The following PDSS2 variants were observed in gnomAD, a reference collection of about 807,000 sequenced individuals.
The protein encoded by PDSS2 is all trans-polyprenyl-diphosphate synthase PDSS2.
PDSS2 carries 31 observed loss-of-function variants against 44.5 expected under a neutral mutation model. That is an observed-to-expected ratio of 0.70 (90% CI 0.52 to 0.94). PDSS2 has a LOEUF of 0.94. PDSS2 is among the 40% of genes least tolerant of loss of function. PDSS2 has a pLI of 0.00. For missense variants in PDSS2, 452 were observed against 482.2 expected, an observed-to-expected ratio of 0.94 and a Z score of 0.59; for synonymous variants, 157 against 180.3, an observed-to-expected ratio of 0.87 and a Z score of 1.03.
intron 2 of PDSS2, among the ~76,000 whole-genome samples, chr6:107,293,175 T>C (rs1776401557): frequency 6.6e-6 from 1 of 152,228 alleles, no homozygotes; most frequent in South Asian, 2.1e-4. Flanking sequence ...CATATGGGAA[T>C]CCCTAGTGAT....
intron 2 of PDSS2, among the ~76,000 whole-genome samples, chr6:107,314,178 G>C (rs1270760180): frequency 6.6e-6 from 1 of 152,032 alleles, no homozygotes; most frequent in Non-Finnish European, 1.5e-5. Flanking sequence ...TGTAGAACGA[G>C]CTTTTTCATA....
intron 1 of PDSS2, among the ~76,000 whole-genome samples, chr6:107,405,576 G>C (rs1011961247): frequency 1.3e-5 from 2 of 152,048 alleles, no homozygotes; most frequent in Admixed American, 1.3e-4. Context: ...GGCCGGGCGC[G>C]GTGGCTCACG....
chr6:107,266,404 GA>G (rs1775413757), intron 3 of PDSS2, among the ~76,000 whole-genome samples: 1 of 136,610 alleles, frequency 7.3e-6, no homozygotes, highest in Non-Finnish European at 1.6e-5. Flanking sequence ...TTTTTTTTCT[GA>G]AATTGACCTG....
intron 4 of PDSS2, among the ~76,000 whole-genome samples, chr6:107,213,549 A>T (rs9398123): frequency 2.0e-5 from 3 of 151,818 alleles, no homozygotes; most frequent in Non-Finnish European, 2.9e-5. Context: ...TCACGAGGTC[A>T]GGAGTTCAAG....
At chr6:107,202,935 ATC>A (rs1443461279) in intron 6 of PDSS2, among the ~76,000 whole-genome samples, 1 of 151,804 alleles carries the variant, frequency 6.6e-6, no homozygotes, top group East Asian at 1.9e-4. Flanking sequence ...TACATAACAA[ATC>A]TCTCTCTGCT....
chr6:107,286,116 A>G (rs1365165229), intron 2 of PDSS2, among the ~76,000 whole-genome samples: 4 of 130,038 alleles, frequency 3.1e-5, no homozygotes, highest in Non-Finnish European at 6.4e-5. Flanking sequence ...CTAGTCAAGG[A>G]GCAAAACTTC....
At chr6:107,412,233 C>CTTTTTTTTTT (rs1169549611) in intron 1 of PDSS2, among the ~76,000 whole-genome samples, 1 of 73,406 alleles carries the variant, frequency 1.4e-5, no homozygotes, top group African/African-American at 5.0e-5. Context: ...GTCCTTTGCT[C>CTTTTTTTTTT]TTTTTTTTTT....
intron 1 of PDSS2, among the ~76,000 whole-genome samples, chr6:107,447,060 G>A (rs1018080380): frequency 5.3e-5 from 8 of 152,092 alleles, no homozygotes; most frequent in East Asian, 3.9e-4. Flanking sequence ...GCGGCCGGGC[G>A]CAGTGGCTCA....
Position 107,155,878 on chromosome 6 carries a change from T to A in PDSS2, c.1042-1101A>T, listed in dbSNP as rs1430893479. On this transcript the variant is annotated intron_variant, in intron 7 of 7. Coordinates refer to ENST00000369037, the MANE Select transcript of PDSS2 (RefSeq NM_020381.4). ...CAGGCATGAGCCACCTTGCCCGGCC[T>A]TTTTTTTTTTTTTTTTTTTTTTTTT... Among the ~76,000 whole-genome samples the A allele has an allele frequency of 5.2e-4, 11 of 21,244 alleles. No homozygotes were observed. The East Asian group carries it at 6.1e-3, about 12-fold the overall frequency. 13.9% of individuals were successfully genotyped at this position (21,244 alleles called of 152,430 possible).
chr6:107,280,113 G>A (rs183506221), intron 2 of PDSS2, among the ~76,000 whole-genome samples: 7 of 152,216 alleles, frequency 4.6e-5, no homozygotes, highest in Admixed American at 4.6e-4. Context: ...AGGCTGGAGT[G>A]CAGTAACGTG....
intron 2 of PDSS2, among the ~76,000 whole-genome samples, chr6:107,319,460 T>A (rs1389167364): frequency 6.6e-6 from 1 of 152,162 alleles, no homozygotes; most frequent in African/African-American, 2.4e-5. Flanking sequence ...AAACTTGTAG[T>A]AGTATACCAG....
In PDSS2 at chr6:107,359,734, T is replaced by C. The variant is rs112644096; in HGVS notation, c.297-25402A>G. Among the ~76,000 whole-genome samples the C allele has an allele frequency of 9.1e-3, 1,382 of 152,152 alleles. 17 individuals are homozygous for C. The highest frequency in any genetic ancestry group is 0.029 in the African/African-American group (1,188 of 41,490). ...AAATCACATATTCAATATCAAGGTA[T>C]GGCTTTGGTTTTGATTTTGTGGTTT... On this transcript the variant is annotated intron_variant, in intron 1 of 7. Transcript: ENST00000369037.
chr6:107,155,882 T>A (rs1021517901), intron 7 of PDSS2, among the ~76,000 whole-genome samples: 29 of 116,238 alleles, frequency 2.5e-4, no homozygotes, highest in African/African-American at 1.1e-3. Flanking sequence ...CCGGCCTTTT[T>A]TTTTTTTTTT....
intron 1 of PDSS2, among the ~76,000 whole-genome samples, chr6:107,402,671 A>G (rs1780184241): frequency 1.3e-5 from 2 of 150,778 alleles, no homozygotes; most frequent in South Asian, 4.2e-4. Context: ...CAGCAGACAA[A>G]CAACATGTAC....
At chr6:107,231,996 A>G (rs1444408791) in intron 4 of PDSS2, among the ~76,000 whole-genome samples, 1 of 151,434 alleles carries the variant, frequency 6.6e-6, no homozygotes, top group East Asian at 1.9e-4. Context: ...ACCCTTCCCT[A>G]GTAAAGCCCC....
At chr6:107,168,260 T>C (rs1771427194) in intron 7 of PDSS2, among the ~76,000 whole-genome samples, 1 of 152,302 alleles carries the variant, frequency 6.6e-6, no homozygotes, top group African/African-American at 2.4e-5. Flanking sequence ...TTGATCTTTG[T>C]TGGTTTAAAG....
intron 1 of PDSS2, among the ~76,000 whole-genome samples, chr6:107,362,756 C>G (rs1778820349): frequency 1.3e-5 from 2 of 151,924 alleles, no homozygotes; most frequent in Non-Finnish European, 2.9e-5. Context: ...TAAATATGCT[C>G]AAAAAACTAA....
At chr6:107,452,661 G>C (rs191124876) in intron 1 of PDSS2, among the ~76,000 whole-genome samples, 1 of 151,734 alleles carries the variant, frequency 6.6e-6, no homozygotes, top group African/African-American at 2.4e-5. Flanking sequence ...ACAGAGCTAA[G>C]TTTCAAACTT....
rs181820009 is a variant in PDSS2, at chr6:107,261,308, T to C, written c.630+12721A>G. Among the ~76,000 whole-genome samples the C allele has an allele frequency of 3.8e-4, 58 of 152,332 alleles. 1 individual carries two copies. Among genetic ancestry groups the C allele is most frequent in the Admixed American group, 3.7e-3 (57 of 15,304 alleles). On this transcript the variant is annotated intron_variant, in intron 3 of 7. Transcript: ENST00000369037. ...TTGGATCATGGGGGCAGATCCCTTATGGCTTGGTGCTGTCTTCACAATAGT... is the reference window on the plus strand; with the variant it reads ...TTGGATCATGGGGGCAGATCCCTTACGGCTTGGTGCTGTCTTCACAATAGT...
Sources: allele counts gnomAD v4.1 joint callset (sites outside exome capture counted in the v4.1 genomes callset), GRCh38; gene constraint gnomAD v4.1.1; transcripts MANE v1.5; gene names NCBI Gene and HGNC (gene_info 2026-07-23, HGNC 2026-07-21).